Variants in THSD7B observed in about 807,000 individuals in gnomAD.
THSD7B encodes thrombospondin type-1 domain-containing protein 7B.
A neutral mutation model predicts 213.6 loss-of-function variants in THSD7B; 138 were observed. The observed-to-expected ratio is 0.65, with a 90% CI of 0.56 to 0.74. The LOEUF is 0.74. Among genes scored for constraint, THSD7B ranks in the 30% least tolerant of loss-of-function variants. THSD7B has a pLI of 0.00. For synonymous variants in THSD7B, 742 were observed against 687.0 expected, an observed-to-expected ratio of 1.08 and a Z score of -1.25; for missense variants, 1,931 against 1,991.5, an observed-to-expected ratio of 0.97 and a Z score of 0.58.
rs192850093 is a variant in THSD7B, at chr2:136,957,964, T to C, written c.139+75647T>C. Among the ~76,000 whole-genome samples the C allele has an allele frequency of 1.5e-3, 227 of 152,336 alleles. 2 individuals carry two copies. The highest frequency in any genetic ancestry group is 2.3e-3 in the Non-Finnish European group (158 of 68,032). ...CTACAATAACTAAAATAGTTATTTG[T>C]ATGTAGCAAGATAAATTTAACAGAG... On this transcript the variant is annotated intron_variant, in intron 2 of 27. Transcript: ENST00000409968.
intron 14 of THSD7B, among the ~76,000 whole-genome samples, chr2:137,433,042 A>G (rs1250699987): frequency 2.0e-5 from 3 of 152,190 alleles, no homozygotes; most frequent in African/African-American, 7.2e-5. Flanking sequence ...TTGGCTATAT[A>G]GTATTAAACA....
chr2:137,659,020 T>C (rs1344668788), intron 24 of THSD7B, among the ~76,000 whole-genome samples: 1 of 152,210 alleles, frequency 6.6e-6, no homozygotes, highest in Admixed American at 6.5e-5. Context: ...GAGACATACA[T>C]TGTCTCATCC....
chr2:136,818,051 A>G (rs1364111690), intron 1 of THSD7B, among the ~76,000 whole-genome samples: 1 of 146,814 alleles, frequency 6.8e-6, no homozygotes, highest in East Asian at 2.0e-4. Flanking sequence ...TACTGGGTAT[A>G]TACCCAAAGG....
chr2:137,484,356 T>A (rs1688379494), intron 15 of THSD7B, among the ~76,000 whole-genome samples: 1 of 145,122 alleles, frequency 6.9e-6, no homozygotes, highest in East Asian at 2.1e-4. Flanking sequence ...GAACTCATCC[T>A]TTTTTATGGC....
intron 2 of THSD7B, among the ~76,000 whole-genome samples, chr2:136,985,110 G>A (rs1309648829): frequency 6.6e-6 from 1 of 152,180 alleles, no homozygotes; most frequent in Non-Finnish European, 1.5e-5. Context: ...CTAAAAGGGA[G>A]GCAGAGTATA....
intron 2 of THSD7B, among the ~76,000 whole-genome samples, chr2:136,898,189 T>C (rs1168005389): frequency 1.3e-5 from 2 of 152,226 alleles, no homozygotes; most frequent in Non-Finnish European, 2.9e-5. Flanking sequence ...TCCATGGACA[T>C]AGAATGTCTC....
chr2:137,499,715 CAG>C (rs1237325214), intron 15 of THSD7B, among the ~76,000 whole-genome samples: 7 of 152,120 alleles, frequency 4.6e-5, no homozygotes, highest in African/African-American at 1.2e-4. Context: ...GCTTCGTGAA[CAG>C]AGCTATCAAC....
intron 7 of THSD7B, among the ~76,000 whole-genome samples, chr2:137,208,420 G>C (rs6710840): frequency 0.04 from 5,251 of 131,504 alleles, 311 homozygotes; most frequent in African/African-American, 0.14. Context: ...ATCCTAAACG[G>C]GTCCTGTTAA....
At position 137,585,207 on chromosome 2, in the gene THSD7B, G is replaced by T. The variant is rs553707835; in HGVS notation, c.3423+12651G>T. 2.6e-5 allele frequency among the ~76,000 whole-genome samples: 4 copies of T among 151,962 alleles called. No homozygotes were observed. The South Asian group carries it at 8.4e-4, about 32-fold the overall frequency. ...ATATCCTTTTTATCATTCTTTTATTGCATCTGTTTGATTCTTCTCTCTTTT... is the reference window on the plus strand; with the variant it reads ...ATATCCTTTTTATCATTCTTTTATTTCATCTGTTTGATTCTTCTCTCTTTT... On this transcript the variant is annotated intron_variant, in intron 17 of 27. Coordinates refer to ENST00000409968, the MANE Select transcript of THSD7B (RefSeq NM_001316349.2).
At chr2:137,326,258 AG>A (rs1684372165) in intron 12 of THSD7B, among the ~76,000 whole-genome samples, 1 of 152,216 alleles carries the variant, frequency 6.6e-6, no homozygotes, top group African/African-American at 2.4e-5. Context: ...CAGAAGGGTA[AG>A]AGTGAATAAA....
intron 4 of THSD7B, among the ~76,000 whole-genome samples, chr2:137,103,084 G>T (rs1189117987): frequency 6.6e-6 from 1 of 152,038 alleles, no homozygotes; most frequent in African/African-American, 2.4e-5. Context: ...ACACAAAATC[G>T]TCGGATTCAC....
At chr2:137,269,720 C>T (rs2104802967) in intron 10 of THSD7B, among the ~76,000 whole-genome samples, 1 of 152,184 alleles carries the variant, frequency 6.6e-6, no homozygotes, top group South Asian at 2.1e-4. Context: ...AATATTCTTC[C>T]CACCCAAATA....
At chr2:137,479,253 C>T (rs1688252923) in intron 15 of THSD7B, among the ~76,000 whole-genome samples, 1 of 152,130 alleles carries the variant, frequency 6.6e-6, no homozygotes, top group Non-Finnish European at 1.5e-5. Flanking sequence ...GGTGCCTGCT[C>T]TGGTGGTAGT....
chr2:137,022,976 T>G (rs1686473091), intron 2 of THSD7B, among the ~76,000 whole-genome samples: 1 of 152,188 alleles, frequency 6.6e-6, no homozygotes, highest in African/African-American at 2.4e-5. Flanking sequence ...CCAAGGTTCA[T>G]AGTTTGCCAA....
At chr2:136,934,292 A>AT (rs1347486722) in intron 2 of THSD7B, among the ~76,000 whole-genome samples, 1 of 152,170 alleles carries the variant, frequency 6.6e-6, no homozygotes, top group Admixed American at 6.6e-5. Context: ...ATTGCCACAT[A>AT]TTTTTATTGA....
intron 1 of THSD7B, among the ~76,000 whole-genome samples, chr2:136,799,806 T>G (rs1374792809): frequency 1.3e-5 from 2 of 151,990 alleles, no homozygotes; most frequent in Non-Finnish European, 2.9e-5. Context: ...AAATTATTCT[T>G]AAACGCCCAT....
chr2:136,796,536 G>C (rs962170677), intron 1 of THSD7B, among the ~76,000 whole-genome samples: 16 of 152,118 alleles, frequency 1.1e-4, no homozygotes, highest in African/African-American at 3.6e-4. Flanking sequence ...AGGGGATTAT[G>C]AGTGTTGGGT....
chr2:137,077,324 C>T (rs929997089), intron 3 of THSD7B, among the ~76,000 whole-genome samples: 10 of 152,096 alleles, frequency 6.6e-5, no homozygotes, highest in Non-Finnish European at 1.5e-4. Flanking sequence ...GTTTTATAAT[C>T]CTTTGGATAT....
At chr2:136,914,779 C>T (rs757880413) in intron 2 of THSD7B, among the ~76,000 whole-genome samples, 46 of 152,160 alleles carry the variant, frequency 3.0e-4, no homozygotes, top group Middle Eastern at 6.8e-3. Flanking sequence ...TTTCCCCAGT[C>T]TTGGGTATAT....
Sources: allele counts gnomAD v4.1 joint callset (sites outside exome capture counted in the v4.1 genomes callset), GRCh38; gene constraint gnomAD v4.1.1; transcripts MANE v1.5; gene names NCBI Gene and HGNC (gene_info 2026-07-23, HGNC 2026-07-21).